The following NR3C2 variants were observed in gnomAD, a reference collection of about 807,000 sequenced individuals.
The protein encoded by NR3C2 is mineralocorticoid receptor.
A neutral mutation model predicts 86.4 loss-of-function variants in NR3C2; 15 were observed. The observed-to-expected ratio is 0.17, with a 90% CI of 0.12 to 0.27. NR3C2 has a LOEUF of 0.27. Among genes scored for constraint, NR3C2 ranks in the 10% least tolerant of loss-of-function variants. NR3C2 has a pLI of 1.00. For missense variants in NR3C2, 960 were observed against 1,195.6 expected, an observed-to-expected ratio of 0.80 and a Z score of 2.91; for synonymous variants, 458 against 450.5, an observed-to-expected ratio of 1.02 and a Z score of -0.21.
chr4:148,115,366 A>G (rs1732227280), intron 7 of NR3C2, among the ~76,000 whole-genome samples: 1 of 152,232 alleles, frequency 6.6e-6, no homozygotes, highest in African/African-American at 2.4e-5. Flanking sequence ...CTTATAGCCA[A>G]TAGTTATGTT....
At chr4:148,318,580 AGAT>A (rs1743355293) in intron 2 of NR3C2, among the ~76,000 whole-genome samples, 1 of 151,974 alleles carries the variant, frequency 6.6e-6, no homozygotes, top group Non-Finnish European at 1.5e-5. Flanking sequence ...AACTGGTGTG[AGAT>A]GATATCTCAT....
intron 2 of NR3C2, among the ~76,000 whole-genome samples, chr4:148,418,915 A>G (rs999406293): frequency 1.3e-5 from 2 of 152,086 alleles, no homozygotes; most frequent in African/African-American, 4.8e-5. Flanking sequence ...CTACATGTTC[A>G]TTTCTTACAT....
chr4:148,409,752 T>G (rs1429830624), intron 2 of NR3C2, among the ~76,000 whole-genome samples: 1 of 152,120 alleles, frequency 6.6e-6, no homozygotes, highest in Non-Finnish European at 1.5e-5. Flanking sequence ...GCAGGTCCTT[T>G]TAACTATTAT....
intron 1 of NR3C2, among the ~76,000 whole-genome samples, chr4:148,437,994 T>C (rs532289092): frequency 2.0e-5 from 3 of 152,376 alleles, no homozygotes; most frequent in East Asian, 3.9e-4. Context: ...GCTTCTTGCA[T>C]ATATTAATTC....
upstream of NR3C2, chr4:148,444,545 G>A (rs1057077929): frequency 1.0e-6 from 1 of 987,350 alleles, no homozygotes; most frequent in East Asian, 1.1e-4. Context: ...GACATGGTGG[G>A]GAGGCTGGGG....
At chr4:148,344,747 T>C (rs1042991347) in intron 2 of NR3C2, among the ~76,000 whole-genome samples, 1 of 152,156 alleles carries the variant, frequency 6.6e-6, no homozygotes, top group Non-Finnish European at 1.5e-5. Flanking sequence ...CAATTACGTA[T>C]GAATTATCTT....
intron 4 of NR3C2, among the ~76,000 whole-genome samples, chr4:148,166,656 C>T (rs925798206): frequency 2.6e-5 from 4 of 152,040 alleles, no homozygotes; most frequent in African/African-American, 9.7e-5. Context: ...TAAGAAAGTT[C>T]TTAATATGTA....
intron 2 of NR3C2, among the ~76,000 whole-genome samples, chr4:148,296,359 T>G (rs1561025254): frequency 6.6e-6 from 1 of 152,180 alleles, no homozygotes; most frequent in Admixed American, 6.5e-5. Context: ...TATTTTAGAT[T>G]GGGAAAAACA....
At chr4:148,210,612 A>G (rs1486463966) in intron 3 of NR3C2, among the ~76,000 whole-genome samples, 1 of 152,186 alleles carries the variant, frequency 6.6e-6, no homozygotes, top group Admixed American at 6.5e-5. Context: ...CAAAGGGGAA[A>G]AAAACCTGTG....
At chr4:148,203,269 G>A (rs1736823445) in intron 3 of NR3C2, among the ~76,000 whole-genome samples, 1 of 151,488 alleles carries the variant, frequency 6.6e-6, no homozygotes, top group South Asian at 2.1e-4. Flanking sequence ...AACTACCCCG[G>A]TCGATACTCT....
chr4:148,217,799 T>C (rs1737618476), intron 3 of NR3C2, among the ~76,000 whole-genome samples: 1 of 152,182 alleles, frequency 6.6e-6, no homozygotes, highest in Non-Finnish European at 1.5e-5. Flanking sequence ...TCAAAAAGCC[T>C]AGAGCTATAA....
At chr4:148,266,096 C>G (rs1421290647) in intron 2 of NR3C2, among the ~76,000 whole-genome samples, 3 of 125,422 alleles carry the variant, frequency 2.4e-5, no homozygotes, top group Non-Finnish European at 1.6e-5. Context: ...TTTTTTGAGA[C>G]AAGAGTCTCG....
Position 148,435,166 on chromosome 4 carries a change from G to A in NR3C2, c.1695C>T (p.Asp565=), listed in dbSNP as rs367866488. The A allele has an allele frequency of 3.1e-6, 5 of 1,614,030 alleles. No individual in the cohort carries two copies. The highest frequency in any genetic ancestry group is 4.2e-6 in the Non-Finnish European group (5 of 1,180,014). The change falls in exon 2 of 9, where the codon GAC becomes GAT. Residue 565 remains aspartate (D), a synonymous_variant. Coordinates refer to ENST00000358102, the MANE Select transcript of NR3C2 (RefSeq NM_000901.5). ...TLVESWKSHG[D]LSSRRSDGYP... Reference sequence around the variant, plus strand: ...ACCCATCACTTCTTCTAGACGACAGGTCGCCGTGTGATTTCCATGACTCCA... The same window carrying A: ...ACCCATCACTTCTTCTAGACGACAGATCGCCGTGTGATTTCCATGACTCCA...
At chr4:148,303,521 C>G (rs1344141313) in intron 2 of NR3C2, among the ~76,000 whole-genome samples, 4 of 152,150 alleles carry the variant, frequency 2.6e-5, no homozygotes, top group Non-Finnish European at 4.4e-5. Context: ...GGGCGTGTCA[C>G]AAGACATCTT....
intron 3 of NR3C2, among the ~76,000 whole-genome samples, chr4:148,207,564 A>C (rs1737068718): frequency 6.6e-6 from 1 of 152,224 alleles, no homozygotes. Context: ...GCGATTCATA[A>C]GGCAGTAATG....
chr4:148,352,368 C>CAT (rs1745324840), intron 2 of NR3C2, among the ~76,000 whole-genome samples: 1 of 145,762 alleles, frequency 6.9e-6, no homozygotes, highest in Non-Finnish European at 1.5e-5. Context: ...ACATACAACT[C>CAT]CTATCATCTA....
chr4:148,150,709 T>C (rs956921730), intron 6 of NR3C2, among the ~76,000 whole-genome samples: 52 of 152,334 alleles, frequency 3.4e-4, no homozygotes, highest in African/African-American at 1.2e-3. Flanking sequence ...TAAATGACCA[T>C]GAATATCCTG....
chr4:148,319,235 T>G (rs1579150249), intron 2 of NR3C2, among the ~76,000 whole-genome samples: 1 of 152,182 alleles, frequency 6.6e-6, no homozygotes, highest in Non-Finnish European at 1.5e-5. Context: ...CATTGACCTA[T>G]ATCTCTGTTT....
At chr4:148,351,883 C>A (rs1417550238) in intron 2 of NR3C2, among the ~76,000 whole-genome samples, 1 of 151,876 alleles carries the variant, frequency 6.6e-6, no homozygotes, top group Non-Finnish European at 1.5e-5. Context: ...AAAATGCAGT[C>A]CCCCCATTCT....
Sources: gnomAD v4.1 joint callset for allele counts (sites outside exome capture counted in the v4.1 genomes callset) on GRCh38, gnomAD v4.1.1 for gene constraint, MANE v1.5 for transcripts, NCBI Gene and HGNC (gene_info 2026-07-23, HGNC 2026-07-21) for gene names.